B4GALT1: variants seen among roughly 807,000 people sequenced by gnomAD.
B4GALT1 encodes N-acetyllactosamine synthase.
A neutral mutation model predicts 34.9 loss-of-function variants in B4GALT1; 16 were observed. The ratio of observed to expected loss-of-function variants is 0.46; its 90% CI spans 0.31 to 0.70. The LOEUF (loss-of-function observed/expected upper bound fraction) is 0.70. Ranked by LOEUF, B4GALT1 falls within the 30% of genes least tolerant of loss-of-function variation. B4GALT1 has a pLI of 0.05. For missense variants in B4GALT1, 445 were observed against 530.5 expected (o/e 0.84, Z 1.58); for synonymous variants, 221 against 218.1 (o/e 1.01, Z -0.12).
upstream of B4GALT1, among the ~76,000 whole-genome samples, chr9:33,168,527 G>C (rs995510927): frequency 4.6e-5 from 7 of 152,204 alleles, no homozygotes; most frequent in Admixed American, 4.6e-4. Flanking sequence ...TGGTGTTACG[G>C]TGTCCATTTC....
chr9:33,176,459 G>A, the B4GALT1 span, among the ~76,000 whole-genome samples: 1 of 152,226 alleles, frequency 6.6e-6, no homozygotes, highest in South Asian at 2.1e-4. Flanking sequence ...AAGCACTTTA[G>A]TCTACATGAG....
At chr9:33,169,620 A>T (rs1054634399), upstream of B4GALT1, among the ~76,000 whole-genome samples, 1 of 151,348 alleles carries the variant, frequency 6.6e-6, no homozygotes, top group Non-Finnish European at 1.5e-5. Flanking sequence ...TCCCGGGTTC[A>T]AGCGATTCTC....
At chr9:33,182,924 A>G in the B4GALT1 span, among the ~76,000 whole-genome samples, 2 of 152,100 alleles carry the variant, frequency 1.3e-5, no homozygotes, top group Non-Finnish European at 2.9e-5. Context: ...AAAAATCAAC[A>G]TTTAGCCATG....
chr9:33,109,150 A>G (rs868602540), downstream of B4GALT1, among the ~76,000 whole-genome samples: 1 of 152,210 alleles, frequency 6.6e-6, no homozygotes, highest in Non-Finnish European at 1.5e-5. Context: ...CAGGAAGGGG[A>G]AAAGGGCTGA....
At chr9:33,119,335 T>C (rs1839986855) in intron 3 of B4GALT1, among the ~76,000 whole-genome samples, 2 of 152,244 alleles carry the variant, frequency 1.3e-5, no homozygotes, top group Admixed American at 6.5e-5. Flanking sequence ...GGCTGGCCAC[T>C]TCACTAGGGG....
downstream of B4GALT1, among the ~76,000 whole-genome samples, chr9:33,106,182 T>C (rs1240923542): frequency 1.3e-5 from 2 of 152,232 alleles, no homozygotes; most frequent in Non-Finnish European, 2.9e-5. Flanking sequence ...TTATTTTGTG[T>C]TTCTGGTTTT....
chr9:33,104,113 C>T (rs898638715), exon 3 of B4GALT1: 4 of 152,318 alleles, frequency 2.6e-5, no homozygotes, highest in African/African-American at 7.2e-5. Flanking sequence ...CTATAGTCCA[C>T]TCCCAGAATG....
Position 33,113,479 on chromosome 9 carries a change from G to A in B4GALT1, c.1172C>T (p.Thr391Ile), listed in dbSNP as rs1839893536. The A allele has an allele frequency of 3.1e-6, 5 of 1,614,226 alleles. No homozygotes were observed. The highest frequency in any genetic ancestry group is 4.2e-6 in the Non-Finnish European group (5 of 1,180,030). Residue 391 changes from threonine (T) to isoleucine (I), a missense_variant, in exon 6 of 6, where the codon ACA (threonine) becomes ATA (isoleucine). Transcript: ENST00000379731. ...VQRYPLYTQI[T>I]VDIGTPS ...CTAGCTCGGTGTCCCGATGTCCACTGTGATTTGGGTATACAATGGGTATCT... is the reference window on the plus strand; with the variant it reads ...CTAGCTCGGTGTCCCGATGTCCACTATGATTTGGGTATACAATGGGTATCT...
chr9:33,114,824 A>G (rs1000254732), intron 4 of B4GALT1, among the ~76,000 whole-genome samples: 3 of 152,050 alleles, frequency 2.0e-5, no homozygotes, highest in African/African-American at 7.2e-5. Flanking sequence ...TAGGTCCTTT[A>G]TCTTTCAAGA....
chr9:33,152,122 T>C (rs180852614), intron 1 of B4GALT1, among the ~76,000 whole-genome samples: 2 of 152,066 alleles, frequency 1.3e-5, no homozygotes, highest in East Asian at 3.9e-4. Flanking sequence ...TTGACCTACA[T>C]AGTGAAACCC....
intron 1 of B4GALT1, 100 bp downstream of exon 1, chr9:33,166,658 C>G: frequency 7.8e-7 from 1 of 1,289,292 alleles, no homozygotes; most frequent in Non-Finnish European, 1.0e-6. Context: ...GGGAGGCTGG[C>G]TGTCGTAGAA....
chr9:33,166,514 A>T (rs1840756236), intron 1 of B4GALT1, among the ~76,000 whole-genome samples: 1 of 152,232 alleles, frequency 6.6e-6, no homozygotes, highest in African/African-American at 2.4e-5. Flanking sequence ...CTGGGGCTAG[A>T]GGGGCCTCGG....
intron 2 of B4GALT1, among the ~76,000 whole-genome samples, chr9:33,124,014 G>A (rs890640612): frequency 6.6e-6 from 1 of 152,200 alleles, no homozygotes; most frequent in African/African-American, 2.4e-5. Flanking sequence ...TGAGACGGAA[G>A]GGCATGGTGC....
intron 1 of B4GALT1, among the ~76,000 whole-genome samples, chr9:33,154,748 T>G (rs1840572167): frequency 6.6e-6 from 1 of 152,242 alleles, no homozygotes; most frequent in Non-Finnish European, 1.5e-5. Context: ...AAAGCAAGCA[T>G]GTCCAACCGA....
intron 1 of B4GALT1, among the ~76,000 whole-genome samples, chr9:33,136,109 T>C (rs1456532545): frequency 1.3e-5 from 2 of 151,408 alleles, no homozygotes; most frequent in Non-Finnish European, 1.5e-5. Flanking sequence ...ATAAAAGAAA[T>C]AGCTGGAAAC....
chr9:33,139,565 C>T (rs1305127191), intron 1 of B4GALT1, among the ~76,000 whole-genome samples: 1 of 152,214 alleles, frequency 6.6e-6, no homozygotes, highest in African/African-American at 2.4e-5. Context: ...GGTCGAGTGC[C>T]AGCCAGGAGG....
In B4GALT1 at chr9:33,111,790, T is replaced by A. The variant is rs16918998; in HGVS notation, c.*1664A>T. 2 of 152,424 alleles carry A rather than the reference T, an allele frequency of 1.3e-5. No homozygotes were observed. The highest frequency in any genetic ancestry group is 2.4e-5 in the African/African-American group (1 of 41,400). The allele number at this position is 152,424 out of a possible 1,614,324, so 9.4% of individuals were successfully genotyped here. On this transcript the variant is annotated 3_prime_UTR_variant, in exon 6 of 6. Coordinates refer to ENST00000379731, the MANE Select transcript of B4GALT1 (RefSeq NM_001497.4). ...CGCTCAGTGGTAGGAGTGCCTTGTG[T>A]CATCTCATCCCAGGTGGCTCAATAG... is the stretch of plus-strand genomic sequence containing the variant.
downstream of B4GALT1, chr9:33,110,522 T>C (rs1839841217): frequency 6.6e-6 from 1 of 152,176 alleles, no homozygotes; most frequent in Non-Finnish European, 1.5e-5. Flanking sequence ...GATGGGGAAA[T>C]GTCTGATTCC....
downstream of B4GALT1, among the ~76,000 whole-genome samples, chr9:33,106,895 G>A (rs186852286): frequency 1.4e-4 from 21 of 152,250 alleles, 1 homozygote; most frequent in Admixed American, 5.2e-4. Flanking sequence ...ACAGCCACAC[G>A]TAATGGTCAT....
Sources: gnomAD v4.1 joint callset for allele counts (sites outside exome capture counted in the v4.1 genomes callset) on GRCh38, gnomAD v4.1.1 for gene constraint, MANE v1.5 for transcripts, NCBI Gene and HGNC (gene_info 2026-07-23, HGNC 2026-07-21) for gene names.